The following GUCY1A2 variants were observed in gnomAD, a reference collection of about 807,000 sequenced individuals.
GUCY1A2 encodes guanylate cyclase soluble subunit alpha-2.
In GUCY1A2, 27 loss-of-function variants were observed where a neutral mutation model predicts 63.5. The ratio of observed to expected loss-of-function variants is 0.43; its 90% confidence interval spans 0.31 to 0.59. The LOEUF (loss-of-function observed/expected upper bound fraction) is 0.59, where lower values mean the gene tolerates loss of function less well. Among genes scored for constraint, GUCY1A2 ranks in the 20% least tolerant of loss-of-function variants. The pLI is 0.11. For missense variants in GUCY1A2, 768 were observed against 913.3 expected, an observed-to-expected ratio of 0.84 and a Z score of 2.05; for synonymous variants, 364 against 343.5, an observed-to-expected ratio of 1.06 and a Z score of -0.66.
chr11:106,842,266 C>T (rs944248268), intron 4 of GUCY1A2, among the ~76,000 whole-genome samples: 4 of 151,890 alleles, frequency 2.6e-5, no homozygotes, highest in African/African-American at 7.2e-5. Context: ...ATTGCTAGTC[C>T]CTAGGGCTTC....
chr11:106,778,517 C>T (rs924353924), intron 5 of GUCY1A2, among the ~76,000 whole-genome samples: 8 of 152,086 alleles, frequency 5.3e-5, no homozygotes, highest in African/African-American at 1.2e-4. Flanking sequence ...AAGAATTAGC[C>T]GGGCATGATG....
At chr11:106,861,681 T>C (rs1388930347) in intron 4 of GUCY1A2, among the ~76,000 whole-genome samples, 1 of 152,038 alleles carries the variant, frequency 6.6e-6, no homozygotes, top group Non-Finnish European at 1.5e-5. Flanking sequence ...TCCTTTGATA[T>C]ATTACGTACT....
At chr11:106,818,128 T>C (rs889656530) in intron 4 of GUCY1A2, among the ~76,000 whole-genome samples, 17 of 152,194 alleles carry the variant, frequency 1.1e-4, no homozygotes, top group African/African-American at 4.1e-4. Context: ...GTATGGATTG[T>C]GGTATATACA....
chr11:106,789,397 T>C (rs749992179), intron 5 of GUCY1A2, among the ~76,000 whole-genome samples: 8 of 152,236 alleles, frequency 5.3e-5, no homozygotes, highest in Admixed American at 1.3e-4. Context: ...TTTTCTGTGT[T>C]ATCTCAGATT....
At chr11:106,948,299 A>T (rs934703050) in intron 3 of GUCY1A2, among the ~76,000 whole-genome samples, 3 of 152,188 alleles carry the variant, frequency 2.0e-5, no homozygotes, top group Admixed American at 6.5e-5. Flanking sequence ...CAAAAATAGT[A>T]GCAGATAGAA....
rs1860456534 is a variant in GUCY1A2 at position 106,922,373 on chromosome 11, C to A, written c.1206+17087G>T. Among the ~76,000 whole-genome samples the A allele has an allele frequency of 2.6e-5, 4 of 151,762 alleles. No individual in the cohort carries two copies. The South Asian group carries it at 8.3e-4, about 32-fold the overall frequency. ...CTTATGCCAGGCACTGTACTGGGTGCTAAAGAAACACAGATGGATAGGATA... is the reference window on the plus strand; with the variant it reads ...CTTATGCCAGGCACTGTACTGGGTGATAAAGAAACACAGATGGATAGGATA... On this transcript the variant is annotated intron_variant, in intron 4 of 7. Transcript: ENST00000526355.
intron 4 of GUCY1A2, among the ~76,000 whole-genome samples, chr11:106,829,409 C>T (rs561675642): frequency 3.9e-5 from 6 of 152,274 alleles, no homozygotes; most frequent in Admixed American, 2.6e-4. Context: ...ACTTTAAAGC[C>T]TAGTTCCACT....
chr11:106,715,576 C>T (rs1863199672), intron 6 of GUCY1A2, among the ~76,000 whole-genome samples: 1 of 152,134 alleles, frequency 6.6e-6, no homozygotes, highest in African/African-American at 2.4e-5. Context: ...TAGCATATTC[C>T]AATTGAAACT....
intron 4 of GUCY1A2, among the ~76,000 whole-genome samples, chr11:106,880,144 A>C (rs1367393975): frequency 6.6e-6 from 1 of 152,026 alleles, no homozygotes; most frequent in African/African-American, 2.4e-5. Context: ...CAATAACTTA[A>C]GCATGCCCTC....
intron 4 of GUCY1A2, among the ~76,000 whole-genome samples, chr11:106,935,834 G>A (rs1860668060): frequency 6.8e-6 from 1 of 146,682 alleles, no homozygotes. Context: ...GTGAGACACA[G>A]CAAGACTCCA....
At chr11:106,914,210 G>A (rs887573916) in intron 4 of GUCY1A2, among the ~76,000 whole-genome samples, 1 of 151,980 alleles carries the variant, frequency 6.6e-6, no homozygotes, top group Non-Finnish European at 1.5e-5. Flanking sequence ...GAAGATATCA[G>A]TATCTATACA....
intron 6 of GUCY1A2, among the ~76,000 whole-genome samples, chr11:106,713,664 G>A (rs779493014): frequency 1.3e-5 from 2 of 151,578 alleles, no homozygotes; most frequent in Non-Finnish European, 2.9e-5. Context: ...CCGCCACCAC[G>A]CCTAGCTAAT....
rs757595379 is a variant in GUCY1A2 at position 106,940,110 on chromosome 11, C to T, written c.556G>A (p.Glu186Lys). 8 of 1,612,906 alleles carry T rather than the reference C, an allele frequency of 5.0e-6. No homozygotes were observed. Among genetic ancestry groups the T allele is most frequent in the African/African-American group, 1.3e-5 (1 of 74,906 alleles). Residue 186 changes from glutamate (E) to lysine (K), a missense_variant, in exon 4 of 8, where the codon GAG becomes AAG. Around this residue, in one of 3 missense-constraint regions of GUCY1A2, gnomAD observed 496 missense variants for 486.9 expected, o/e 1.02. Transcript: ENST00000526355. ...CCACCTACAGCTCGAAGGACTCTCT[C>T]ATTCTCATGAAAGCATATATTAAAG... ...EFFNICFHEN[E>K]RVLRAVGGTL...
chr11:106,760,874 C>G (rs1374518435), intron 6 of GUCY1A2, among the ~76,000 whole-genome samples: 2 of 152,004 alleles, frequency 1.3e-5, no homozygotes, highest in Non-Finnish European at 2.9e-5. Flanking sequence ...AGAAGGAAGA[C>G]AGGAACTGAG....
Position 106,713,801 on chromosome 11 carries a change from C to T in GUCY1A2, c.1837-5135G>A, listed in dbSNP as rs1475654076. The stretch of plus-strand genomic sequence containing the variant: ...GATTACAGGCGTGAGCCACCGCGCC[C>T]AGCCCAACATTAGTATATTTCTTTG... On this transcript the variant is annotated intron_variant, in intron 6 of 7. Transcript: ENST00000526355. 2.6e-5 allele frequency among the ~76,000 whole-genome samples: 4 copies of T among 151,958 alleles called. No individual in the cohort carries two copies. The East Asian group carries it at 7.8e-4, about 29-fold the overall frequency.
At position 106,674,325 on chromosome 11, in the gene GUCY1A2, T is replaced by C. The variant is rs1359940426; in HGVS notation, c.*13224A>G. The stretch of plus-strand genomic sequence containing the variant: ...AGAATGAGTAAAAAGTGGTGTTACA[T>C]GAAAATCAAAGAAGATATTGTGGAT... On this transcript the variant is annotated 3_prime_UTR_variant, in exon 8 of 8. Transcript: ENST00000526355. 2.2e-5 allele frequency: 4 copies of C among 180,398 alleles called. No homozygotes were observed. The East Asian group carries it at 2.8e-4, about 12-fold the overall frequency. The allele number at this position is 180,398 out of a possible 1,614,324, so 11.2% of individuals were successfully genotyped here.
At position 106,827,806 on chromosome 11, in the gene GUCY1A2, A is replaced by G. The variant is rs145246556; in HGVS notation, c.1207-17328T>C. ...TCTTCTGATGGAAAGTGAGTAGCCA[A>G]CTGCTCCGCACAAGTGACGCCCGCG... On this transcript the variant is annotated intron_variant, in intron 4 of 7. Coordinates refer to ENST00000526355, the MANE Select transcript of GUCY1A2 (RefSeq NM_000855.3). 13,880 of 1,586,792 alleles carry G rather than the reference A, an allele frequency of 8.7e-3. 109 individuals are homozygous for G. Among genetic ancestry groups the G allele is most frequent in the South Asian group, 0.026 (2,325 of 90,482 alleles).
At chr11:106,756,500 A>G (rs893121313) in intron 6 of GUCY1A2, among the ~76,000 whole-genome samples, 1 of 151,876 alleles carries the variant, frequency 6.6e-6, no homozygotes, top group Non-Finnish European at 1.5e-5. Flanking sequence ...GTTCCTTTCC[A>G]TGTTTAGTGC....
At chr11:106,821,482 C>A (rs1000428755) in intron 4 of GUCY1A2, among the ~76,000 whole-genome samples, 1 of 152,134 alleles carries the variant, frequency 6.6e-6, no homozygotes, top group Non-Finnish European at 1.5e-5. Context: ...GCTTTTGTCA[C>A]CACACTGTCA....
Sources: allele counts gnomAD v4.1 joint callset (sites outside exome capture counted in the v4.1 genomes callset), GRCh38; gene constraint gnomAD v4.1.1; regional missense constraint gnomAD v4.1.1; transcripts MANE v1.5; gene names NCBI Gene and HGNC (gene_info 2026-07-23, HGNC 2026-07-21).